Variants in SLC30A3 observed in about 807,000 individuals in gnomAD.
SLC30A3 encodes the protein probable proton-coupled zinc antiporter SLC30A3.
A neutral mutation model predicts 35.6 loss-of-function variants in SLC30A3; 20 were observed. The ratio of observed to expected loss-of-function variants is 0.56; its 90% CI spans 0.39 to 0.82. The LOEUF (loss-of-function observed/expected upper bound fraction) is 0.82. SLC30A3 is among the 40% of genes least tolerant of loss of function. The pLI, the probability that SLC30A3 is intolerant of heterozygous loss-of-function variation, is 0.00. For missense variants in SLC30A3, 401 were observed against 530.6 expected, an observed-to-expected ratio of 0.76 and a Z score of 2.40; for synonymous variants, 217 against 224.7, an observed-to-expected ratio of 0.97 and a Z score of 0.31.
At position 27,256,465 on chromosome 2, in the gene SLC30A3, T is replaced by C. The variant is rs139980426; in HGVS notation, c.939A>G (p.Pro313=). Residue 313 remains proline, a synonymous_variant, in exon 7 of 8, where the codon CCA becomes CCG. Coordinates refer to ENST00000233535, the MANE Select transcript of SLC30A3 (RefSeq NM_003459.5). ...EPVRDTLLSV[P]GVRATHELHL... is the part of the protein sequence containing the mutation. ...GCAGCTCATGGGTTGCCCGGACTCC[T>C]GGCACCGACAACAGCGTATCCCGCA... 72 of 1,614,108 alleles carry C rather than the reference T, an allele frequency of 4.5e-5. No individual in the cohort carries two copies. In the African/African-American group the frequency reaches 8.4e-4, roughly 19 times the overall value.
Position 27,262,877 on chromosome 2 carries a change from C to G in SLC30A3, c.30G>C (p.Leu10Phe). 1 of 1,558,946 alleles carries G rather than the reference C, an allele frequency of 6.4e-7. No individual in the cohort carries two copies. Among genetic ancestry groups the G allele is most frequent in the Non-Finnish European group, 8.6e-7 (1 of 1,159,478 alleles). Reference protein sequence around the residue: MEPSPAAGGLETTRLVSPRD... With the variant: MEPSPAAGGFETTRLVSPRD... ...GGGGGCTCACCAGGCGAGTGGTCTC[C>G]AAGCCCCCAGCGGCTGGAGAGGGCT... Residue 10 changes from leucine to phenylalanine, a missense_variant, in exon 1 of 8, where the codon TTG (leucine) becomes TTC (phenylalanine). By Grantham distance (22) the Leu-to-Phe change is conservative. Transcript: ENST00000233535. This position sits in a 1 kb window ranked among gnomAD's most constrained non-coding sequence, Gnocchi z 7.5.
At chr2:27,261,486 G>C (rs1302095932) in intron 1 of SLC30A3, among the ~76,000 whole-genome samples, 1 of 152,132 alleles carries the variant, frequency 6.6e-6, no homozygotes, top group Non-Finnish European at 1.5e-5. Flanking sequence ...GGGGCAGTGG[G>C]CAACATTCAT....
At position 27,256,292 on chromosome 2, in the gene SLC30A3, A is replaced by AAT. The variant is rs1229564475; in HGVS notation, c.1018+93_1018+94insAT. 2.1e-6 allele frequency: 3 copies of AAT among 1,437,700 alleles called. No individual in the cohort carries two copies. The African/African-American group carries it at 4.2e-5, about 20-fold the overall frequency. The allele number at this position is 1,437,700 out of a possible 1,614,324, so 89.1% of individuals were successfully genotyped here. A position where few individuals can be genotyped will look rare whatever the true frequency, so the allele number is the denominator to read the frequency against. Reference sequence around the variant, plus strand: ...ACAGAGAAACAGAGACAGATCAAAAAAGACTGAAACAATTCCAGTAACTCA... The same window carrying AAT: ...ACAGAGAAACAGAGACAGATCAAAAAATAGACTGAAACAATTCCAGTAACTCA... On this transcript the variant is annotated intron_variant, in intron 7 of 7. Transcript: ENST00000233535.
chr2:27,255,797 T>G lies in SLC30A3; in HGVS notation c.1019-337A>C. On this transcript the variant is annotated intron_variant, in intron 7 of 7. Coordinates refer to ENST00000233535, the MANE Select transcript of SLC30A3 (RefSeq NM_003459.5). This position sits in a 1 kb window ranked among gnomAD's most constrained non-coding sequence, Gnocchi z 5.2. ...ATCTGTCTCATTGTCCCTCTAGAGT[T>G]TCCATCAAATATCCCACAAATTATA... 1 of 262,390 alleles carries G rather than the reference T, an allele frequency of 3.8e-6. No individual in the cohort carries two copies. The highest frequency in any genetic ancestry group is 7.3e-6 in the Non-Finnish European group (1 of 137,398). The allele number at this position is 262,390 out of a possible 1,614,324, so 16.3% of individuals were successfully genotyped here.
chr2:27,260,233 G>T (rs11126936), intron 1 of SLC30A3, among the ~76,000 whole-genome samples: 54,908 of 151,974 alleles, frequency 0.36, 12,467 homozygotes, highest in African/African-American at 0.63. Flanking sequence ...GTCTGATTCC[G>T]GGCACAGAGA....
In SLC30A3 at chr2:27,257,367, G is replaced by C. The variant is rs1043366654; in HGVS notation, c.579-15C>G. ...CAAAGGCCATTCTGAGGGGTAAGCAGAGCACCTCAGCCTAGGGCCCTGCTC... is the reference window on the plus strand; with the variant it reads ...CAAAGGCCATTCTGAGGGGTAAGCACAGCACCTCAGCCTAGGGCCCTGCTC... On this transcript the variant is annotated splice_polypyrimidine_tract_variant and intron_variant, in intron 4 of 7. Coordinates refer to ENST00000233535, the MANE Select transcript of SLC30A3 (RefSeq NM_003459.5). This position sits in a 1 kb window ranked among gnomAD's most constrained non-coding sequence, Gnocchi z 4.7. The C allele has an allele frequency of 6.3e-7, 1 of 1,595,958 alleles. No individual in the cohort carries two copies. The highest frequency in any genetic ancestry group is 1.3e-5 in the African/African-American group (1 of 74,356).
Position 27,258,258 on chromosome 2 carries a change from C to T in SLC30A3, c.327G>A (p.Leu109=). The T allele has an allele frequency of 6.4e-7, 1 of 1,563,968 alleles. No homozygotes were observed. The highest frequency in any genetic ancestry group is 8.7e-7 in the Non-Finnish European group (1 of 1,152,586). The change falls in exon 3 of 8, where the codon TTG becomes TTA. Residue 109 remains leucine (L), a synonymous_variant. Coordinates refer to ENST00000233535, the MANE Select transcript of SLC30A3 (RefSeq NM_003459.5). The surrounding 1 kb of genome is among the most constrained non-coding windows in gnomAD (Gnocchi z 4.0). ...CCATCATGCTGCCCACATCCGCCAG[C>T]AAGTGGGCTGCATCGGTCATGATGG... ...SLAIMTDAAH[L]LADVGSMMGS... is the part of the protein sequence containing the mutation.
chr2:27,269,364 C>T (rs144390954), intron 1 of SLC30A3, among the ~76,000 whole-genome samples: 1,724 of 151,946 alleles, frequency 0.011, 15 homozygotes, highest in South Asian at 0.037. Flanking sequence ...TGCCACCACA[C>T]GCAGCTAATT....
upstream of SLC30A3, chr2:27,263,422 C>T (rs1316317274): frequency 2.3e-6 from 1 of 434,998 alleles, no homozygotes; most frequent in Non-Finnish European, 4.7e-6. Flanking sequence ...GTGGCCGCAA[C>T]CCTCACGCGG....
upstream of SLC30A3, among the ~76,000 whole-genome samples, chr2:27,264,761 C>T (rs940152001): frequency 6.6e-6 from 1 of 152,238 alleles, no homozygotes; most frequent in Non-Finnish European, 1.5e-5. This position sits in a 1 kb window ranked among gnomAD's most constrained non-coding sequence, Gnocchi z 6.1. Flanking sequence ...TCTGTTTCTC[C>T]TCGGGTCACA....
At chr2:27,264,192 G>GT, upstream of SLC30A3, 1 of 562,518 alleles carries the variant, frequency 1.8e-6, no homozygotes. This position sits in a 1 kb window ranked among gnomAD's most constrained non-coding sequence, Gnocchi z 6.1. Context: ...ATGGGGAAGC[G>GT]TGGAGGGTGG....
Position 27,256,470 on chromosome 2 carries a change from C to T in SLC30A3, c.934G>A (p.Val312Met). ...TCATGGGTTGCCCGGACTCCTGGCACCGACAACAGCGTATCCCGCACAGGT... is the reference window on the plus strand; with the variant it reads ...TCATGGGTTGCCCGGACTCCTGGCATCGACAACAGCGTATCCCGCACAGGT... ...FEPVRDTLLS[V>M]PGVRATHELH... The change falls in exon 7 of 8, where the codon GTG (valine) becomes ATG (methionine). Residue 312 changes from valine to methionine, a missense_variant. Physicochemically the swap from Val to Met is conservative, Grantham distance 21 (BLOSUM62 1). Transcript: ENST00000233535. The T allele has an allele frequency of 1.2e-6, 2 of 1,614,064 alleles. No homozygotes were observed. The highest frequency in any genetic ancestry group is 1.7e-6 in the Non-Finnish European group (2 of 1,179,998).
chr2:27,257,752 C>G lies in SLC30A3; in HGVS notation c.578+153G>C. On this transcript the variant is annotated intron_variant, in intron 4 of 7. Coordinates refer to ENST00000233535, the MANE Select transcript of SLC30A3 (RefSeq NM_003459.5). The surrounding 1 kb of genome is among the most constrained non-coding windows in gnomAD (Gnocchi z 4.7). ...CTGACTGAATTTTAGGTCTCTATCC[C>G]AGACCCTTCTCAGGCACACGCAGGG... 1 of 782,560 alleles carries G rather than the reference C, an allele frequency of 1.3e-6. No individual in the cohort carries two copies. The highest frequency in any genetic ancestry group is 2.0e-6 in the Non-Finnish European group (1 of 490,542). The allele number at this position is 782,560 out of a possible 1,614,324, so 48.5% of individuals were successfully genotyped here.
In SLC30A3 at chr2:27,255,777, T is replaced by C. The variant is rs1177446347; in HGVS notation, c.1019-317A>G. The C allele has an allele frequency of 3.0e-6, 1 of 332,050 alleles. No individual in the cohort carries two copies. Among genetic ancestry groups the C allele is most frequent in the Non-Finnish European group, 5.5e-6 (1 of 180,478 alleles). The allele number at this position is 332,050 out of a possible 1,614,324, so 20.6% of individuals were successfully genotyped here. On this transcript the variant is annotated intron_variant, in intron 7 of 7. Transcript: ENST00000233535. This position sits in a 1 kb window ranked among gnomAD's most constrained non-coding sequence, Gnocchi z 5.2. Reference sequence around the variant, plus strand: ...GGACAATCCAGTTGTTAAATATCTGTCTCATTGTCCCTCTAGAGTTTCCAT... The same window carrying C: ...GGACAATCCAGTTGTTAAATATCTGCCTCATTGTCCCTCTAGAGTTTCCAT...
chr2:27,257,286 T>C lies in SLC30A3; in HGVS notation c.645A>G (p.Ala215=). ...HSHGSRGAEY[A]PLEEGPEEPL... ...GCTCTTCAGGCCCCTCCTCCAGCGG[T>C]GCATACTCTGCTCCCCTAGACCCGT... The change falls in exon 5 of 8, where the codon GCA becomes GCG. Residue 215 remains alanine (A), a synonymous_variant. Coordinates refer to ENST00000233535, the MANE Select transcript of SLC30A3 (RefSeq NM_003459.5). This position sits in a 1 kb window ranked among gnomAD's most constrained non-coding sequence, Gnocchi z 4.7. The C allele has an allele frequency of 6.2e-7, 1 of 1,613,890 alleles. No individual in the cohort carries two copies. Among genetic ancestry groups the C allele is most frequent in the Non-Finnish European group, 8.5e-7 (1 of 1,179,902 alleles).
At chr2:27,275,039 G>C (rs898264999) in intron 1 of SLC30A3, 1 of 424,298 alleles carries the variant, frequency 2.4e-6, no homozygotes, top group Non-Finnish European at 4.6e-6. Context: ...TCAGGAACAG[G>C]GGCATATGAG....
At chr2:27,272,077 G>A (rs111841116) in intron 1 of SLC30A3, among the ~76,000 whole-genome samples, 8 of 152,180 alleles carry the variant, frequency 5.3e-5, no homozygotes, top group Non-Finnish European at 1.2e-4. Context: ...GGAGTGTCTC[G>A]GAAAAGCCTC....
chr2:27,258,325 TG>T lies in SLC30A3; in HGVS notation c.278-19del. 6.6e-7 allele frequency: 1 copy of T among 1,512,618 alleles called. No homozygotes were observed. The highest frequency in any genetic ancestry group is 8.9e-7 in the Non-Finnish European group (1 of 1,129,462). 93.7% of individuals were successfully genotyped at this position (1,512,618 alleles called of 1,614,324 possible). A position where few individuals can be genotyped will look rare whatever the true frequency, so the allele number is the denominator to read the frequency against. ...ATACCCGCCTGCCAGGGTGAAATGA[TG>T]GAGTCTGCTTCCATTTAGAAAATAT... On this transcript the variant is annotated intron_variant, in intron 2 of 7. Coordinates refer to ENST00000233535, the MANE Select transcript of SLC30A3 (RefSeq NM_003459.5). This position sits in a 1 kb window ranked among gnomAD's most constrained non-coding sequence, Gnocchi z 4.0.
In SLC30A3 at chr2:27,258,160, C is replaced by A; in HGVS notation, c.424+1G>T. 1 of 1,596,412 alleles carries A rather than the reference C, an allele frequency of 6.3e-7. No individual in the cohort carries two copies. The highest frequency in any genetic ancestry group is 8.6e-7 in the Non-Finnish European group (1 of 1,168,670). On this transcript the variant is annotated splice_donor_variant, in intron 3 of 7. Coordinates refer to ENST00000233535, the MANE Select transcript of SLC30A3 (RefSeq NM_003459.5). LOFTEE classifies it high-confidence loss of function. The surrounding 1 kb of genome is among the most constrained non-coding windows in gnomAD (Gnocchi z 4.0). ...GTCACTGGGCCATGCAGGGGCCTTA[C>A]CTGAACGGTGCCAGCCAAAGGTCAT...
Sources: gnomAD v4.1 joint callset for allele counts (sites outside exome capture counted in the v4.1 genomes callset) on GRCh38, gnomAD v4.1.1 for gene constraint, Gnocchi (gnomAD v3.1) non-coding constraint, MANE v1.5 for transcripts, NCBI Gene and HGNC (gene_info 2026-07-23, HGNC 2026-07-21) for gene names.